The following KRT20 variants were observed in gnomAD, a reference collection of about 807,000 sequenced individuals.
The protein encoded by KRT20 is keratin, type I cytoskeletal 20.
KRT20 carries 41 observed loss-of-function variants against 43.0 expected under a neutral mutation model. The observed-to-expected ratio is 0.95, with a 90% CI of 0.74 to 1.24. The LOEUF is 1.24. KRT20 is among the 50% of genes most tolerant of loss of function. The pLI is 0.00. For missense variants in KRT20, 533 were observed against 521.2 expected (o/e 1.02, Z -0.22); for synonymous variants, 207 against 200.6 (o/e 1.03, Z -0.27).
At chr17:40,881,258 T>G (rs1452737236) in intron 2 of KRT20, among the ~76,000 whole-genome samples, 1 of 151,790 alleles carries the variant, frequency 6.6e-6, no homozygotes, top group Non-Finnish European at 1.5e-5. Flanking sequence ...TGTGTGTGTG[T>G]GTGTATTTGA....
At chr17:40,883,831 T>G (rs1252202398) in intron 1 of KRT20, among the ~76,000 whole-genome samples, 3 of 152,210 alleles carry the variant, frequency 2.0e-5, no homozygotes, top group African/African-American at 7.2e-5. Flanking sequence ...AAGGGCTATT[T>G]AAATGCCATT....
rs865846552 is a variant in KRT20 at position 40,879,320 on chromosome 17, A to T, written c.918+493T>A. ...CTGGAATGTCTCTAGTCCATTCTCCATCTTAAAATTTTATCTTAGATTTTG... is the reference window on the plus strand; with the variant it reads ...CTGGAATGTCTCTAGTCCATTCTCCTTCTTAAAATTTTATCTTAGATTTTG... On this transcript the variant is annotated intron_variant, in intron 5 of 7. Coordinates refer to ENST00000167588, the MANE Select transcript of KRT20 (RefSeq NM_019010.3). 2.6e-5 allele frequency among the ~76,000 whole-genome samples: 4 copies of T among 152,308 alleles called. No homozygotes were observed. The South Asian group carries it at 6.2e-4, about 24-fold the overall frequency.
At chr17:40,882,471 C>G in intron 2 of KRT20, 101 bp downstream of exon 2, 1 of 481,764 alleles carries the variant, frequency 2.1e-6, no homozygotes, top group Non-Finnish European at 3.6e-6. Flanking sequence ...GACATTGAAC[C>G]GTGCTTCCTT....
intron 7 of KRT20, among the ~76,000 whole-genome samples, chr17:40,877,053 G>T (rs2143293903): frequency 6.6e-6 from 1 of 152,334 alleles, no homozygotes; most frequent in East Asian, 1.9e-4. Flanking sequence ...GTTAGTTATT[G>T]TGAGAGTGGG....
intron 1 of KRT20, among the ~76,000 whole-genome samples, chr17:40,882,963 G>A (rs1052459151): frequency 1.3e-5 from 2 of 152,022 alleles, no homozygotes; most frequent in African/African-American, 4.8e-5. Context: ...GCCTGCCTCG[G>A]CCTCCCAAAG....
Position 40,880,563 on chromosome 17 carries a change from T to G in KRT20, c.630+51A>C. ...CTCCCGCTCCTCCTATTATTAGTAT[T>G]ATATAGAACCATTCCATTGTTTCCA... is the stretch of plus-strand genomic sequence containing the variant. On this transcript the variant is annotated intron_variant, in intron 3 of 7. Transcript: ENST00000167588. 3 of 1,512,998 alleles carry G rather than the reference T, an allele frequency of 2.0e-6. No individual in the cohort carries two copies. The East Asian group carries it at 6.8e-5, about 34-fold the overall frequency. The allele number at this position is 1,512,998 out of a possible 1,614,324, so 93.7% of individuals were successfully genotyped here.
rs1029096171 is a variant in KRT20, at chr17:40,876,041, G to A, written c.*320C>T. 1.4e-5 allele frequency: 3 copies of A among 214,388 alleles called. No homozygotes were observed. The highest frequency in any genetic ancestry group is 2.7e-5 in the Non-Finnish European group (3 of 109,422). 13.3% of individuals were successfully genotyped at this position (214,388 alleles called of 1,614,324 possible). A position where few individuals can be genotyped will look rare whatever the true frequency, so the allele number is the denominator to read the frequency against. On this transcript the variant is annotated 3_prime_UTR_variant, in exon 8 of 8. Transcript: ENST00000167588. Reference sequence around the variant, plus strand: ...TAATTGAAATGTATTGCAATTTTCAGGAACATTACCTACAAATTGATATTA... The same window carrying A: ...TAATTGAAATGTATTGCAATTTTCAAGAACATTACCTACAAATTGATATTA...
At chr17:40,879,960 A>T in intron 4 of KRT20, 22 bp from the exon 5 acceptor site, 1 of 1,607,576 alleles carries the variant, frequency 6.2e-7, no homozygotes, top group Non-Finnish European at 8.5e-7. Context: ...AGAGTGAAAA[A>T]AAAATAGTTG....
chr17:40,884,754 G>C, intron 1 of KRT20, 42 bp downstream of exon 1: 2 of 1,570,838 alleles, frequency 1.3e-6, no homozygotes, highest in Non-Finnish European at 1.7e-6. Flanking sequence ...GATTTATCTT[G>C]AAGCTAAACA....
intron 1 of KRT20, among the ~76,000 whole-genome samples, chr17:40,882,953 G>A (rs1907665357): frequency 6.6e-6 from 1 of 151,816 alleles, no homozygotes; most frequent in Admixed American, 6.6e-5. Flanking sequence ...CAGGTGATCT[G>A]CCTGCCTCGG....
chr17:40,876,583 C>T (rs1009721399), intron 7 of KRT20, 125 bp from the exon 8 acceptor site: 67 of 507,040 alleles, frequency 1.3e-4, no homozygotes, highest in Non-Finnish European at 2.2e-4. Flanking sequence ...TTAAACCCAT[C>T]CTCTTTCTCA....
Position 40,879,023 on chromosome 17 carries a change from C to A in KRT20, c.919-658G>T, listed in dbSNP as rs540313972. Among the ~76,000 whole-genome samples the A allele has an allele frequency of 2.6e-5, 4 of 152,208 alleles. No individual in the cohort carries two copies. The East Asian group carries it at 7.7e-4, about 29-fold the overall frequency. ...CACCATATTGGCCAGCTGGTCTCAACCTCCTGACCTCAAATGATCCTCCTG... is the reference window on the plus strand; with the variant it reads ...CACCATATTGGCCAGCTGGTCTCAAACTCCTGACCTCAAATGATCCTCCTG... On this transcript the variant is annotated intron_variant, in intron 5 of 7. Transcript: ENST00000167588.
intron 4 of KRT20, 49 bp from the exon 5 acceptor site, chr17:40,879,987 A>C: frequency 6.2e-7 from 1 of 1,601,346 alleles, no homozygotes; most frequent in Non-Finnish European, 8.5e-7. Flanking sequence ...GGAAATAAGA[A>C]AGAAAAGACA....
intron 4 of KRT20, 32 bp downstream of exon 4, chr17:40,880,068 C>G (rs373749620): frequency 6.2e-7 from 1 of 1,600,990 alleles, no homozygotes; most frequent in African/African-American, 1.3e-5. Flanking sequence ...AGCATCTACA[C>G]GTTTGCTCAC....
rs946078897 is a variant in KRT20 at position 40,878,300 on chromosome 17, G to A, written c.984C>T (p.Leu328=). The change falls in exon 6 of 8, where the codon CTC becomes CTT. Residue 328 remains leucine (L), a synonymous_variant. Transcript: ENST00000167588. ...KARYSSQLAN[L]QSLLSSLEAQ... is the part of the protein sequence containing the mutation. ...CCTCCAGAGAGCTCAACAGCGACTG[G>A]AGGTTGGCTAACTGGCTGCTGTAAC... 6.2e-7 allele frequency: 1 copy of A among 1,614,180 alleles called. No homozygotes were observed. The highest frequency in any genetic ancestry group is 1.7e-5 in the Admixed American group (1 of 60,022).
At chr17:40,881,577 C>G (rs1357301288) in intron 2 of KRT20, among the ~76,000 whole-genome samples, 1 of 152,126 alleles carries the variant, frequency 6.6e-6, no homozygotes, top group Non-Finnish European at 1.5e-5. Context: ...AAATATCCAA[C>G]TTTAAAAAAT....
chr17:40,880,075 T>C (rs779903299), intron 4 of KRT20, 25 bp downstream of exon 4: 18 of 1,603,126 alleles, frequency 1.1e-5, no homozygotes, highest in Non-Finnish European at 1.5e-5. Context: ...ACACGTTTGC[T>C]CACCCTTTAG....
rs1018303018 is a variant in KRT20 at position 40,879,369 on chromosome 17, C to G, written c.918+444G>C. 6.6e-5 allele frequency among the ~76,000 whole-genome samples: 10 copies of G among 152,036 alleles called. 1 individual carries two copies. The highest frequency in any genetic ancestry group is 6.5e-4 in the Admixed American group (10 of 15,270). ...TGAGATCTGGTATAATGGACACATA[C>G]AGGGGAATAGCAGACATGGGGGCCT... On this transcript the variant is annotated intron_variant, in intron 5 of 7. Coordinates refer to ENST00000167588, the MANE Select transcript of KRT20 (RefSeq NM_019010.3).
Position 40,884,815 on chromosome 17 carries a change from A to G in KRT20, c.371T>C (p.Ile124Thr), listed in dbSNP as rs886571542. 14 of 1,612,536 alleles carry G rather than the reference A, an allele frequency of 8.7e-6. No individual in the cohort carries two copies. The highest frequency in any genetic ancestry group is 1.6e-4 in the Middle Eastern group (1 of 6,078). ...TCTCACCTGACTTCGCAGCTCTTCA[A>G]TTTGTCTGTAATATGCACTGTAGTC... The part of the protein sequence containing the change: ...GRDYSAYYRQ[I>T]EELRSQIKDA... Residue 124 changes from isoleucine to threonine, a missense_variant, in exon 1 of 8, where the codon ATT becomes ACT. Ile to Thr is a moderately conservative substitution (Grantham distance 89). Transcript: ENST00000167588.
Sources: gnomAD v4.1 joint callset for allele counts (sites outside exome capture counted in the v4.1 genomes callset) on GRCh38, gnomAD v4.1.1 for gene constraint, MANE v1.5 for transcripts, NCBI Gene and HGNC (gene_info 2026-07-23, HGNC 2026-07-21) for gene names.